Variants in ARHGAP22 observed in about 807,000 individuals in gnomAD.
The protein encoded by ARHGAP22 is rho GTPase-activating protein 22.
Under a neutral mutation model 59.1 loss-of-function variants are expected in ARHGAP22, and 48 were observed. The observed-to-expected ratio is 0.81, with a 90% CI of 0.64 to 1.03. The LOEUF (loss-of-function observed/expected upper bound fraction) is 1.03, where lower values mean the gene tolerates loss of function less well. Ranked by LOEUF, ARHGAP22 falls within the 50% of genes least tolerant of loss-of-function variation. ARHGAP22 has a pLI of 0.00. For missense variants in ARHGAP22, 1,015 were observed against 958.7 expected, an observed-to-expected ratio of 1.06 and a Z score of -0.78; for synonymous variants, 445 against 416.4, an observed-to-expected ratio of 1.07 and a Z score of -0.84.
chr10:48,596,955 C>G (rs1564966668), intron 1 of ARHGAP22, among the ~76,000 whole-genome samples: 1 of 152,198 alleles, frequency 6.6e-6, no homozygotes, highest in African/African-American at 2.4e-5. Flanking sequence ...CACCTCCACC[C>G]CTGTATGTCT....
chr10:48,597,637 G>A (rs547457410), intron 1 of ARHGAP22, among the ~76,000 whole-genome samples: 7 of 152,246 alleles, frequency 4.6e-5, no homozygotes, highest in East Asian at 1.9e-4. Context: ...TCTTGCTCCC[G>A]CAGGCTGTGC....
intron 1 of ARHGAP22, among the ~76,000 whole-genome samples, chr10:48,644,032 A>G (rs994100959): frequency 1.3e-5 from 2 of 152,186 alleles, no homozygotes; most frequent in African/African-American, 4.8e-5. Context: ...CTGTAATCCC[A>G]GCTACGTGGG....
intron 1 of ARHGAP22, among the ~76,000 whole-genome samples, chr10:48,644,037 C>T (rs561438498): frequency 7.2e-5 from 11 of 152,226 alleles, no homozygotes; most frequent in Admixed American, 2.0e-4. Context: ...ATCCCAGCTA[C>T]GTGGGAGGCT....
At chr10:48,430,077 G>C in the ARHGAP22 span, 2 of 152,168 alleles carry the variant, frequency 1.3e-5, no homozygotes, top group African/African-American at 4.8e-5. Context: ...AGAACCTTAA[G>C]AAGGTTTTTT....
chr10:48,620,260 T>A (rs1398149132), intron 1 of ARHGAP22, among the ~76,000 whole-genome samples: 1 of 88,988 alleles, frequency 1.1e-5, no homozygotes, highest in Admixed American at 1.4e-4. Flanking sequence ...TACACACACT[T>A]GTACATGTTT....
intron 1 of ARHGAP22, among the ~76,000 whole-genome samples, chr10:48,586,457 G>A (rs116659638): frequency 0.012 from 1,825 of 152,292 alleles, 34 homozygotes; most frequent in African/African-American, 0.042. Context: ...TAATGGAGAT[G>A]GCGCAGTGGA....
At chr10:48,546,182 C>T (rs1339862374) in intron 3 of ARHGAP22, among the ~76,000 whole-genome samples, 1 of 152,166 alleles carries the variant, frequency 6.6e-6, no homozygotes. Context: ...CAGGGGTCCC[C>T]GCTACTCCTG....
At position 48,604,828 on chromosome 10, in the gene ARHGAP22, G is replaced by A. The variant is rs1387766613; in HGVS notation, c.-32C>T. The A allele has an allele frequency of 1.2e-6, 2 of 1,614,110 alleles. No homozygotes were observed. The highest frequency in any genetic ancestry group is 3.3e-5 in the Admixed American group (2 of 60,022). ...GCAGCCGTCCGGCCAGCCCCGCAGG[G>A]CCGTTCATGCTGTCATCCACTTGCT... On this transcript the variant is annotated 5_prime_UTR_variant, in exon 1 of 10. Transcript: ENST00000249601.
In ARHGAP22 at chr10:48,455,109, A is replaced by T; in HGVS notation, c.685T>A (p.Ser229Thr). The T allele has an allele frequency of 1.2e-6, 2 of 1,611,742 alleles. No individual in the cohort carries two copies. The highest frequency in any genetic ancestry group is 4.5e-5 in the East Asian group (2 of 44,866). The change falls in exon 6 of 10, where the codon TCC becomes ACC. Residue 229 changes from serine to threonine, a missense_variant. Transcript: ENST00000249601. ...TCCCGCAGGTACAGCTTCAGCAGGG[A>T]GGCCACCGTGTGCACGTCTGTTGTG... Reference protein sequence around the residue: ...DSTTDVHTVASLLKLYLRELP... With the variant: ...DSTTDVHTVATLLKLYLRELP...
At chr10:48,503,995 A>T (rs1247620391) in intron 3 of ARHGAP22, among the ~76,000 whole-genome samples, 1 of 152,222 alleles carries the variant, frequency 6.6e-6, no homozygotes, top group Non-Finnish European at 1.5e-5. Flanking sequence ...CTAAAATCAA[A>T]GCCTGAGGAA....
At position 48,446,422 on chromosome 10, in the gene ARHGAP22, A is replaced by G. The variant is rs2045353488; in HGVS notation, c.2066T>C (p.Val689Ala). 6.2e-7 allele frequency: 1 copy of G among 1,613,906 alleles called. No individual in the cohort carries two copies. Among genetic ancestry groups the G allele is most frequent in the Non-Finnish European group, 8.5e-7 (1 of 1,180,002 alleles). The change falls in exon 10 of 10, where the codon GTT becomes GCT. Residue 689 changes from valine (V) to alanine (A), a missense_variant. Val to Ala is a moderately conservative substitution (Grantham distance 64, BLOSUM62 0). Transcript: ENST00000249601. The part of the protein sequence containing the change: ...EFFSTLGSLT[V>A]GAKGARAPK ...TGGGGCCCTGGCACCTTTTGCCCCA[A>G]CAGTCAAGCTTCCTAGGGTCGAAAA... is the stretch of plus-strand genomic sequence containing the variant.
At chr10:48,457,499 C>T (rs2046662139) in intron 5 of ARHGAP22, among the ~76,000 whole-genome samples, 1 of 152,204 alleles carries the variant, frequency 6.6e-6, no homozygotes, top group South Asian at 2.1e-4. Context: ...CTAGGCCTCC[C>T]AGTGCTCCCT....
At chr10:48,635,368 C>T (rs1229226639) in intron 1 of ARHGAP22, among the ~76,000 whole-genome samples, 2 of 152,224 alleles carry the variant, frequency 1.3e-5, no homozygotes, top group East Asian at 3.8e-4. Flanking sequence ...TTTGGGTGCT[C>T]CGTAACTTGT....
chr10:48,519,661 T>G (rs1475483902), intron 3 of ARHGAP22, among the ~76,000 whole-genome samples: 4 of 152,166 alleles, frequency 2.6e-5, no homozygotes, highest in Non-Finnish European at 4.4e-5. Context: ...GGGAATGAAA[T>G]GAACTGGGCC....
At chr10:48,440,018 G>A in the ARHGAP22 span, among the ~76,000 whole-genome samples, 1 of 152,196 alleles carries the variant, frequency 6.6e-6, no homozygotes, top group Non-Finnish European at 1.5e-5. Context: ...CAGGAGAAAC[G>A]GTAGCAGAAG....
intron 1 of ARHGAP22, chr10:48,652,175 A>G: frequency 1.3e-6 from 2 of 1,482,244 alleles, no homozygotes; most frequent in Non-Finnish European, 9.1e-7. Flanking sequence ...CCATCCCTCA[A>G]GCAAGAAGTC....
upstream of ARHGAP22, among the ~76,000 whole-genome samples, chr10:48,654,189 G>C (rs1014610160): frequency 6.6e-6 from 1 of 152,206 alleles, no homozygotes; most frequent in Non-Finnish European, 1.5e-5. Flanking sequence ...TGTTAACCAA[G>C]TCTGGGTTTT....
chr10:48,485,930 C>A (rs553239466), intron 3 of ARHGAP22, among the ~76,000 whole-genome samples: 1 of 152,250 alleles, frequency 6.6e-6, no homozygotes, highest in East Asian at 1.9e-4. Flanking sequence ...TGCTTTTTAT[C>A]CAATCTGATA....
chr10:48,636,118 C>T (rs1363142876), intron 1 of ARHGAP22, among the ~76,000 whole-genome samples: 1 of 152,224 alleles, frequency 6.6e-6, no homozygotes, highest in African/African-American at 2.4e-5. Context: ...TCCCAGGGGT[C>T]CTGTGCTGCC....
Sources: gnomAD v4.1 joint callset for allele counts (sites outside exome capture counted in the v4.1 genomes callset) on GRCh38, gnomAD v4.1.1 for gene constraint, MANE v1.5 for transcripts, NCBI Gene and HGNC (gene_info 2026-07-23, HGNC 2026-07-21) for gene names.